Variants in DPP10 observed in about 807,000 individuals in gnomAD.
DPP10 encodes dipeptidyl peptidase like 10, also known as inactive dipeptidyl peptidase 10.
Under a neutral mutation model 120.9 loss-of-function variants are expected in DPP10, and 33 were observed. That is an observed-to-expected ratio of 0.27 (90% CI 0.21 to 0.37). The LOEUF (loss-of-function observed/expected upper bound fraction) is 0.37. Among genes scored for constraint, DPP10 ranks in the 10% least tolerant of loss-of-function variants. The probability of loss-of-function intolerance (pLI) is 1.00; values close to 1 mark genes in which losing one functional copy is unlikely to be tolerated. For missense variants in DPP10, 816 were observed against 942.8 expected, an observed-to-expected ratio of 0.87 and a Z score of 1.76; for synonymous variants, 337 against 326.1, an observed-to-expected ratio of 1.03 and a Z score of -0.36.
At chr2:115,223,043 A>G (rs2057255675) in intron 1 of DPP10, among the ~76,000 whole-genome samples, 1 of 152,102 alleles carries the variant, frequency 6.6e-6, no homozygotes, top group East Asian at 1.9e-4. Flanking sequence ...TTCATAACAT[A>G]TATCTGTGAA....
chr2:115,612,469 A>G (rs564520822), intron 5 of DPP10, among the ~76,000 whole-genome samples: 2 of 152,294 alleles, frequency 1.3e-5, no homozygotes, highest in African/African-American at 4.8e-5. Flanking sequence ...GAAATCTACT[A>G]AAAAATGCAA....
chr2:115,181,428 A>G (rs1182540952), intron 1 of DPP10, among the ~76,000 whole-genome samples: 2 of 152,136 alleles, frequency 1.3e-5, no homozygotes. Context: ...GACTGCATTC[A>G]TCCGGTAGCT....
chr2:115,824,799 G>A lies in DPP10; in HGVS notation c.1950+9070G>A, dbSNP rs572191855. On this transcript the variant is annotated intron_variant, in intron 21 of 25. Transcript: ENST00000410059. ...TCTTTAACTATGTAAAGTGATTAAGGAATAGAATGATGGTATTTCTAAGAA... is the reference window on the plus strand; with the variant it reads ...TCTTTAACTATGTAAAGTGATTAAGAAATAGAATGATGGTATTTCTAAGAA... Among the ~76,000 whole-genome samples the A allele has an allele frequency of 2.0e-5, 3 of 152,174 alleles. No individual in the cohort carries two copies. In the South Asian group the frequency reaches 6.2e-4, roughly 32 times the overall value.
chr2:114,983,115 T>C (rs1402400380), intron 1 of DPP10, among the ~76,000 whole-genome samples: 1 of 152,162 alleles, frequency 6.6e-6, no homozygotes, highest in Non-Finnish European at 1.5e-5. Flanking sequence ...ACTTGATTAT[T>C]AATTTTGCTT....
At position 115,500,360 on chromosome 2, in the gene DPP10, C is replaced by A. The variant is rs151262369; in HGVS notation, c.366+756C>A. ...AGACTGCCAATTAGATGAATGTATA[C>A]AATACAGACAAAATATAGTACAAGC... On this transcript the variant is annotated intron_variant, in intron 4 of 25. Coordinates refer to ENST00000410059, the MANE Select transcript of DPP10 (RefSeq NM_020868.6). Among the ~76,000 whole-genome samples, 476 of 151,788 alleles carry A rather than the reference C, an allele frequency of 3.1e-3. 3 individuals carry two copies. The highest frequency in any genetic ancestry group is 0.011 in the African/African-American group (451 of 41,422).
At chr2:115,681,895 T>G (rs1252083260) in intron 5 of DPP10, among the ~76,000 whole-genome samples, 1 of 151,720 alleles carries the variant, frequency 6.6e-6, no homozygotes, top group East Asian at 1.9e-4. Context: ...TTTGATCCTA[T>G]TGAAATGAAG....
At chr2:115,137,987 T>C (rs1355914397) in intron 1 of DPP10, among the ~76,000 whole-genome samples, 1 of 152,138 alleles carries the variant, frequency 6.6e-6, no homozygotes, top group African/African-American at 2.4e-5. Flanking sequence ...GGAGGAAAAG[T>C]AGACAATATC....
At chr2:115,456,336 A>G (rs935976631) in intron 3 of DPP10, among the ~76,000 whole-genome samples, 1 of 152,206 alleles carries the variant, frequency 6.6e-6, no homozygotes, top group Non-Finnish European at 1.5e-5. Context: ...ATGTGGAGAA[A>G]TAGGAATGCT....
At chr2:115,307,007 T>G (rs1448514815) in intron 1 of DPP10, among the ~76,000 whole-genome samples, 1 of 152,104 alleles carries the variant, frequency 6.6e-6, no homozygotes, top group African/African-American at 2.4e-5. Flanking sequence ...TTATAGTGGT[T>G]AAGTGTGATC....
intron 5 of DPP10, among the ~76,000 whole-genome samples, chr2:115,641,859 G>C (rs2086810370): frequency 6.6e-6 from 1 of 152,124 alleles, no homozygotes; most frequent in South Asian, 2.1e-4. Flanking sequence ...ATATACGATA[G>C]TGTTACCAAG....
At chr2:115,694,863 A>G (rs1002536526) in intron 7 of DPP10, among the ~76,000 whole-genome samples, 9 of 152,204 alleles carry the variant, frequency 5.9e-5, no homozygotes, top group African/African-American at 1.9e-4. Flanking sequence ...TTCCTGGAGC[A>G]TGCATTCATC....
chr2:115,111,317 G>C (rs2049207414), intron 1 of DPP10, among the ~76,000 whole-genome samples: 1 of 151,470 alleles, frequency 6.6e-6, no homozygotes, highest in South Asian at 2.1e-4. Flanking sequence ...CTGAAACAAA[G>C]ATTTGTGTTC....
At chr2:115,780,813 C>T (rs1348938823) in intron 15 of DPP10, 61 bp from the exon 16 acceptor site, 7 of 1,489,730 alleles carry the variant, frequency 4.7e-6, no homozygotes, top group African/African-American at 1.4e-5. Flanking sequence ...ATATGAACAC[C>T]ACACATTCAA....
chr2:114,483,176 A>G (rs1681211121), intron 1 of DPP10, among the ~76,000 whole-genome samples: 2 of 152,174 alleles, frequency 1.3e-5, no homozygotes, highest in Non-Finnish European at 2.9e-5. Flanking sequence ...CAAAATAATT[A>G]ACTGGAAATT....
chr2:115,329,961 G>T (rs1390437715), intron 2 of DPP10, among the ~76,000 whole-genome samples: 2 of 152,154 alleles, frequency 1.3e-5, no homozygotes, highest in African/African-American at 4.8e-5. Flanking sequence ...CCAGTAATGG[G>T]ATCACTGGGT....
intron 1 of DPP10, among the ~76,000 whole-genome samples, chr2:114,603,436 G>T (rs555839591): frequency 6.6e-6 from 1 of 152,002 alleles, no homozygotes; most frequent in South Asian, 2.1e-4. Flanking sequence ...AAACCATAAC[G>T]TCGGGATTAC....
chr2:115,223,304 CAATT>C (rs756814302), intron 1 of DPP10, among the ~76,000 whole-genome samples: 1 of 152,070 alleles, frequency 6.6e-6, no homozygotes, highest in Non-Finnish European at 1.5e-5. Context: ...TTTATTAAAA[CAATT>C]AATGATTAAT....
At chr2:115,617,866 T>G (rs2149270982) in intron 5 of DPP10, among the ~76,000 whole-genome samples, 1 of 152,284 alleles carries the variant, frequency 6.6e-6, no homozygotes, top group Non-Finnish European at 1.5e-5. Context: ...AGTAGGAAAT[T>G]AATCACAATA....
chr2:115,751,789 G>GT (rs143331852), intron 10 of DPP10, among the ~76,000 whole-genome samples: 12,167 of 118,618 alleles, frequency 0.1, 1,596 homozygotes, highest in African/African-American at 0.3. Flanking sequence ...AATTAACTGT[G>GT]TTTTTTTTTT....
Sources: allele counts gnomAD v4.1 joint callset (sites outside exome capture counted in the v4.1 genomes callset), GRCh38; gene constraint gnomAD v4.1.1; transcripts MANE v1.5; gene names NCBI Gene and HGNC (gene_info 2026-07-23, HGNC 2026-07-21).